The following NCR1 variants were observed in gnomAD, a reference collection of about 807,000 sequenced individuals.
NCR1 encodes the protein natural cytotoxicity triggering receptor 1.
A neutral mutation model predicts 32.5 loss-of-function variants in NCR1; 30 were observed. The ratio of observed to expected loss-of-function variants is 0.92; its 90% CI spans 0.69 to 1.25. The LOEUF (loss-of-function observed/expected upper bound fraction) is 1.25, where lower values mean the gene tolerates loss of function less well. NCR1 is among the 50% of genes most tolerant of loss of function. The pLI is 0.00. For missense variants in NCR1, 369 were observed against 380.7 expected (o/e 0.97, Z 0.26); for synonymous variants, 169 against 143.4 (o/e 1.18, Z -1.28).
chr19:54,917,518 A>C (rs2068160318), downstream of NCR1, among the ~76,000 whole-genome samples: 1 of 151,866 alleles, frequency 6.6e-6, no homozygotes, highest in South Asian at 2.1e-4. Context: ...TGGGGGTTTT[A>C]CCATGTTAGC....
At chr19:54,922,448 G>A in the NCR1 span, among the ~76,000 whole-genome samples, 14 of 152,172 alleles carry the variant, frequency 9.2e-5, no homozygotes, top group African/African-American at 3.4e-4. Flanking sequence ...GACATACACA[G>A]AGACTCCCAG....
chr19:54,906,688 A>G lies in NCR1; in HGVS notation c.236A>G (p.Asn79Ser), dbSNP rs34030790. 12 of 1,614,116 alleles carry G rather than the reference A, an allele frequency of 7.4e-6. No individual in the cohort carries two copies. Among genetic ancestry groups the G allele is most frequent in the African/African-American group, 1.3e-5 (1 of 74,946 alleles). The change falls in exon 3 of 7, where the codon AAC (asparagine) becomes AGC (serine). Residue 79 changes from asparagine (N) to serine (S), a missense_variant. Asn to Ser is a conservative substitution (Grantham distance 46, BLOSUM62 1). Coordinates refer to ENST00000291890, the MANE Select transcript of NCR1 (RefSeq NM_004829.7). ...VDRPKPPERI[N>S]KVQFYIPDMN... ...AGACCAAAACCCCCTGAGCGGATTA[A>G]CAAAGTCCAATTCTACATCCCGGAC...
chr19:54,912,251 G>T (rs2068011587), intron 6 of NCR1, 33 bp downstream of exon 6: 1 of 1,601,128 alleles, frequency 6.2e-7, no homozygotes, highest in East Asian at 2.2e-5. Context: ...AGGCTCTGAA[G>T]GAAGGGGCTG....
At chr19:54,906,426 C>T in intron 2 of NCR1, 92 bp downstream of exon 2, 1 of 1,601,242 alleles carries the variant, frequency 6.2e-7, no homozygotes, top group Non-Finnish European at 8.5e-7. Context: ...GGACAGGGTG[C>T]TGGCTTCCCA....
At chr19:54,928,379 G>C in the NCR1 span, among the ~76,000 whole-genome samples, 1 of 152,158 alleles carries the variant, frequency 6.6e-6, no homozygotes, top group East Asian at 1.9e-4. Flanking sequence ...GGGTGAAAGA[G>C]TGAGACTTGG....
intron 3 of NCR1, 41 bp downstream of exon 3, chr19:54,906,848 G>T: frequency 6.2e-7 from 1 of 1,603,470 alleles, no homozygotes; most frequent in Non-Finnish European, 8.5e-7. Flanking sequence ...ATCTCAGTCT[G>T]CATCCGGGAT....
chr19:54,936,144 G>T, the NCR1 span: 1 of 885,250 alleles, frequency 1.1e-6, no homozygotes, highest in Non-Finnish European at 1.8e-6. Context: ...GCCTGTTTGA[G>T]GAATACATTC....
chr19:54,912,273 G>A, intron 6 of NCR1, 55 bp downstream of exon 6: 2 of 1,539,998 alleles, frequency 1.3e-6, no homozygotes, highest in Non-Finnish European at 1.8e-6. Context: ...GCATAGAGTA[G>A]ACCTAGGAAG....
chr19:54,902,791 G>A (rs587653871), upstream of NCR1, among the ~76,000 whole-genome samples: 67 of 152,216 alleles, frequency 4.4e-4, no homozygotes, highest in African/African-American at 1.1e-3. Flanking sequence ...TATGACAGCT[G>A]TGTAAGGGGA....
At chr19:54,935,237 AT>A in the NCR1 span, among the ~76,000 whole-genome samples, 35 of 145,050 alleles carry the variant, frequency 2.4e-4, 1 homozygote, top group South Asian at 2.1e-3. Context: ...GGAAAAAAAA[AT>A]TTTTTTTTTG....
intron 3 of NCR1, among the ~76,000 whole-genome samples, chr19:54,907,394 G>T (rs1461941418): frequency 6.9e-6 from 1 of 145,952 alleles, no homozygotes; most frequent in Non-Finnish European, 1.5e-5. Flanking sequence ...CAGATGATCC[G>T]CCCGCCTCAC....
chr19:54,920,768 G>C (rs1000942368), downstream of NCR1, among the ~76,000 whole-genome samples: 1 of 152,186 alleles, frequency 6.6e-6, no homozygotes, highest in African/African-American at 2.4e-5. Context: ...AGTGAGCTAA[G>C]ATCGCACCAT....
Position 54,912,812 on chromosome 19 carries a change from C to A in NCR1, c.856C>A (p.Arg286=). ...GCTCAGCAGGAAGAGGACTAGAGAG[C>A]GAGCCAGCAGAGCTTCCACTTGGGA... ...DWLSRKRTRE[R]ASRASTWEGR... Residue 286 remains arginine, a synonymous_variant, in exon 7 of 7, where the codon CGA becomes AGA. Coordinates refer to ENST00000291890, the MANE Select transcript of NCR1 (RefSeq NM_004829.7). 6.2e-7 allele frequency: 1 copy of A among 1,613,564 alleles called. No homozygotes were observed. The highest frequency in any genetic ancestry group is 8.5e-7 in the Non-Finnish European group (1 of 1,179,954).
At chr19:54,912,647 C>T in intron 6 of NCR1, 43 bp from the exon 7 acceptor site, 1 of 711,058 alleles carries the variant, frequency 1.4e-6, no homozygotes, top group East Asian at 2.8e-5. Context: ...AAGAGGGTGT[C>T]CTTACATCCC....
At chr19:54,910,165 G>GAGCCACCAC in intron 5 of NCR1, 100 bp downstream of exon 5, 1 of 1,199,268 alleles carries the variant, frequency 8.3e-7, no homozygotes. Flanking sequence ...GGCCAGGCGT[G>GAGCCACCAC]GTGGCTCACG....
At chr19:54,919,430 G>A (rs1329639967), downstream of NCR1, among the ~76,000 whole-genome samples, 6 of 150,380 alleles carry the variant, frequency 4.0e-5, no homozygotes, top group Non-Finnish European at 5.9e-5. Flanking sequence ...CCTGGCAGCC[G>A]AGGCAGAGAG....
chr19:54,937,171 T>A, the NCR1 span, among the ~76,000 whole-genome samples: 1 of 148,516 alleles, frequency 6.7e-6, no homozygotes, highest in South Asian at 2.1e-4. Context: ...TGAGCCGAGA[T>A]TGCTGCACTG....
At chr19:54,903,476 A>G (rs369238626), upstream of NCR1, among the ~76,000 whole-genome samples, 1,389 of 133,352 alleles carry the variant, frequency 0.01, 23 homozygotes, top group East Asian at 0.022. Context: ...ATACACGGAT[A>G]CATGTATGTA....
downstream of NCR1, among the ~76,000 whole-genome samples, chr19:54,920,606 A>G (rs555311230): frequency 4.9e-4 from 74 of 152,244 alleles, no homozygotes; most frequent in South Asian, 0.013. Flanking sequence ...GCAAGGGGAT[A>G]ACTGGAGGCC....
Sources: allele counts gnomAD v4.1 joint callset (sites outside exome capture counted in the v4.1 genomes callset), GRCh38; gene constraint gnomAD v4.1.1; transcripts MANE v1.5; gene names NCBI Gene and HGNC (gene_info 2026-07-23, HGNC 2026-07-21).